RPS6KA2: variants seen among roughly 807,000 people sequenced by gnomAD.
RPS6KA2 encodes the protein ribosomal protein S6 kinase A2.
In RPS6KA2, 42 loss-of-function variants were observed where a neutral mutation model predicts 91.8. The ratio of observed to expected loss-of-function variants is 0.46; its 90% CI spans 0.36 to 0.59. The LOEUF (loss-of-function observed/expected upper bound fraction) is 0.59, where lower values mean the gene tolerates loss of function less well. Among genes scored for constraint, RPS6KA2 ranks in the 20% least tolerant of loss-of-function variants. RPS6KA2 has a pLI of 0.00. For synonymous variants in RPS6KA2, 414 were observed against 393.6 expected, an observed-to-expected ratio of 1.05 and a Z score of -0.61; for missense variants, 798 against 978.5, an observed-to-expected ratio of 0.82 and a Z score of 2.46.
intron 1 of RPS6KA2, among the ~76,000 whole-genome samples, chr6:166,595,762 A>G (rs1041613669): frequency 1.6e-4 from 25 of 152,242 alleles, no homozygotes; most frequent in African/African-American, 6.0e-4. Context: ...GTCAAGGAAG[A>G]CAGGCAGAAA....
chr6:166,717,578 A>C (rs1790047479), intron 2 of RPS6KA2, among the ~76,000 whole-genome samples: 1 of 152,194 alleles, frequency 6.6e-6, no homozygotes, highest in African/African-American at 2.4e-5. Context: ...GCAGTGACAG[A>C]TCCCGCGGGT....
At chr6:166,847,939 C>T (rs1780647110) in intron 2 of RPS6KA2, among the ~76,000 whole-genome samples, 1 of 152,116 alleles carries the variant, frequency 6.6e-6, no homozygotes, top group Non-Finnish European at 1.5e-5. Context: ...AAAGCTTCTG[C>T]ACAGCAAAAG....
intron 11 of RPS6KA2, among the ~76,000 whole-genome samples, chr6:166,466,114 C>A (rs546492570): frequency 2.7e-4 from 41 of 152,288 alleles, no homozygotes; most frequent in South Asian, 6.2e-4. Context: ...GTGCTAAGAG[C>A]AACAAAAGGA....
chr6:166,471,137 G>GCCCCTTCGTGGAGC (rs1261460478), intron 10 of RPS6KA2, among the ~76,000 whole-genome samples: 1 of 152,218 alleles, frequency 6.6e-6, no homozygotes, highest in African/African-American at 2.4e-5. Context: ...TGCCATGTAT[G>GCCCCTTCGTGGAGC]CCCCTTCGTG....
intron 1 of RPS6KA2, among the ~76,000 whole-genome samples, chr6:166,542,630 G>A (rs1783696906): frequency 6.6e-6 from 1 of 152,196 alleles, no homozygotes; most frequent in Non-Finnish European, 1.5e-5. Context: ...AATTCCTGCA[G>A]AACTGCACTC....
intron 1 of RPS6KA2, among the ~76,000 whole-genome samples, chr6:166,597,156 C>T (rs755338784): frequency 7.9e-5 from 12 of 152,290 alleles, no homozygotes; most frequent in Non-Finnish European, 1.0e-4. Context: ...AGATAGTGCA[C>T]GCCATGGGAG....
chr6:166,771,651 C>T (rs989888647), intron 2 of RPS6KA2, among the ~76,000 whole-genome samples: 3 of 152,194 alleles, frequency 2.0e-5, no homozygotes, highest in Admixed American at 2.0e-4. Flanking sequence ...TTCCTTGGCT[C>T]ATACCCACTG....
intron 2 of RPS6KA2, among the ~76,000 whole-genome samples, chr6:166,783,314 C>A (rs1778820839): frequency 6.6e-6 from 1 of 151,882 alleles, no homozygotes; most frequent in Non-Finnish European, 1.5e-5. Context: ...CTCGTCGAAT[C>A]AGTTGAAGGC....
rs1283449734 is a variant in RPS6KA2, at chr6:166,437,253, C to T, written c.1333-4763G>A. ...CCAGCGCACTTCTTCTCTATGGGGT[C>T]GGTTTCTTGGGGTTGACCGTGTTGG... On this transcript the variant is annotated intron_variant, in intron 14 of 20. Transcript: ENST00000265678. This position sits in a 1 kb window ranked among gnomAD's most constrained non-coding sequence, Gnocchi z 4.3. Among the ~76,000 whole-genome samples, 8 of 151,966 alleles carry T rather than the reference C, an allele frequency of 5.3e-5. No homozygotes were observed. The highest frequency in any genetic ancestry group is 2.0e-4 in the Admixed American group (3 of 15,258).
intron 7 of RPS6KA2, among the ~76,000 whole-genome samples, chr6:166,499,277 A>C (rs1781927037): frequency 1.3e-5 from 2 of 152,216 alleles, no homozygotes; most frequent in South Asian, 4.1e-4. Context: ...AGGGCCCCCA[A>C]GTCTTGGGGA....
intron 1 of RPS6KA2, among the ~76,000 whole-genome samples, chr6:166,615,665 A>T (rs1313618260): frequency 6.6e-6 from 1 of 152,220 alleles, no homozygotes; most frequent in Non-Finnish European, 1.5e-5. Context: ...AGCAAAAGCA[A>T]GAGCTGGGTG....
chr6:166,414,763 A>G (rs1778440114), intron 19 of RPS6KA2, among the ~76,000 whole-genome samples: 1 of 152,238 alleles, frequency 6.6e-6, no homozygotes, highest in African/African-American at 2.4e-5. Flanking sequence ...TTGAAGAGGT[A>G]ATAAAATGAA....
chr6:166,663,911 T>A (rs1166270356), intron 2 of RPS6KA2, among the ~76,000 whole-genome samples: 1 of 152,184 alleles, frequency 6.6e-6, no homozygotes, highest in East Asian at 1.9e-4. Context: ...AGTTCAAAAT[T>A]GATTATTAGC....
intron 2 of RPS6KA2, among the ~76,000 whole-genome samples, chr6:166,729,928 C>T (rs984358300): frequency 3.9e-5 from 6 of 152,322 alleles, no homozygotes; most frequent in Non-Finnish European, 7.4e-5. Flanking sequence ...ATGGGCTTCC[C>T]ATGAGGAGAA....
intron 2 of RPS6KA2, among the ~76,000 whole-genome samples, chr6:166,795,827 T>G (rs1293229980): frequency 1.3e-5 from 2 of 152,144 alleles, no homozygotes; most frequent in Non-Finnish European, 2.9e-5. Flanking sequence ...GAGCCTGGAC[T>G]GCAGATGGGA....
intron 11 of RPS6KA2, among the ~76,000 whole-genome samples, chr6:166,465,629 A>T (rs902056025): frequency 3.3e-5 from 5 of 152,206 alleles, no homozygotes; most frequent in African/African-American, 1.2e-4. Context: ...TGCTGGAAGC[A>T]TCCTTCTTCT....
intron 11 of RPS6KA2, among the ~76,000 whole-genome samples, chr6:166,469,574 G>A (rs1259720508): frequency 6.6e-6 from 1 of 152,186 alleles, no homozygotes; most frequent in Non-Finnish European, 1.5e-5. Flanking sequence ...CCTCGACTCT[G>A]ATGGGCAGAG....
chr6:166,538,645 G>T, intron 2 of RPS6KA2, 23 bp downstream of exon 2: 1 of 1,342,410 alleles, frequency 7.4e-7, no homozygotes, highest in South Asian at 1.2e-5. Context: ...TGAGACTCAA[G>T]AGACAGCCAG....
intron 3 of RPS6KA2, among the ~76,000 whole-genome samples, chr6:166,526,472 A>G (rs1783043316): frequency 6.6e-6 from 1 of 151,406 alleles, no homozygotes; most frequent in Admixed American, 6.6e-5. Flanking sequence ...CAGCCTCCCA[A>G]GTAGCTGGGA....
Sources: gnomAD v4.1 joint callset for allele counts (sites outside exome capture counted in the v4.1 genomes callset) on GRCh38, gnomAD v4.1.1 for gene constraint, Gnocchi (gnomAD v3.1) non-coding constraint, MANE v1.5 for transcripts, NCBI Gene and HGNC (gene_info 2026-07-23, HGNC 2026-07-21) for gene names.